Variants in IL1RAPL1 observed in about 807,000 individuals in gnomAD.
IL1RAPL1 encodes interleukin 1 receptor accessory protein like 1.
In IL1RAPL1, 3 loss-of-function variants were observed where a neutral mutation model predicts 48.4. The observed-to-expected ratio is 0.06, with a 90% CI of 0.03 to 0.16. IL1RAPL1 has a LOEUF of 0.16. Ranked by LOEUF, IL1RAPL1 falls within the 10% of genes least tolerant of loss-of-function variation. The probability of loss-of-function intolerance (pLI) is 1.00; values close to 1 mark genes in which losing one functional copy is unlikely to be tolerated. For synonymous variants in IL1RAPL1, 185 were observed against 187.7 expected (o/e 0.99, Z 0.12); for missense variants, 349 against 530.6 (o/e 0.66, Z 3.36).
chrX:29,104,347 T>C (rs1166626422), intron 2 of IL1RAPL1, among the ~76,000 whole-genome samples: 1 of 111,990 alleles, frequency 8.9e-6, no homozygotes, highest in Non-Finnish European at 1.9e-5. Flanking sequence ...GAGGTAATTA[T>C]GTTAAGTGAA....
At chrX:29,471,817 C>T (rs1363504128) in intron 5 of IL1RAPL1, among the ~76,000 whole-genome samples, 3 of 111,045 alleles carry the variant, frequency 2.7e-5, no homozygotes, top group South Asian at 3.8e-4. Context: ...TGACTTTTTG[C>T]GTCTGGTTTC....
At chrX:28,702,029 A>G (rs188689444) in intron 1 of IL1RAPL1, among the ~76,000 whole-genome samples, 45 of 111,560 alleles carry the variant, frequency 4.0e-4, no homozygotes, top group Non-Finnish European at 6.8e-4. Flanking sequence ...CGTATCTGAC[A>G]GTGAAATGAT....
chrX:29,272,764 C>T (rs1036418354), intron 2 of IL1RAPL1, among the ~76,000 whole-genome samples: 1 of 111,642 alleles, frequency 9.0e-6, no homozygotes, highest in African/African-American at 3.3e-5. Context: ...TTCTGTCTTT[C>T]GGGGATGCCA....
chrX:29,159,238 T>C (rs1929634501), intron 2 of IL1RAPL1, among the ~76,000 whole-genome samples: 1 of 111,054 alleles, frequency 9.0e-6, no homozygotes, highest in Admixed American at 9.7e-5. Context: ...AAAAGTCTGT[T>C]TTAGATAATT....
intron 2 of IL1RAPL1, among the ~76,000 whole-genome samples, chrX:28,825,005 AG>A (rs961710921): frequency 1.8e-5 from 2 of 111,555 alleles, no homozygotes; most frequent in African/African-American, 6.5e-5. Context: ...GTGTATGCCA[AG>A]GTGGCTGTCT....
At chrX:28,707,008 A>G (rs775279150) in intron 1 of IL1RAPL1, among the ~76,000 whole-genome samples, 1 of 112,339 alleles carries the variant, frequency 8.9e-6, no homozygotes, top group East Asian at 2.8e-4. Context: ...GTTAGCCTCA[A>G]TGTATACATT....
intron 1 of IL1RAPL1, among the ~76,000 whole-genome samples, chrX:28,656,797 C>A (rs766274454): frequency 9.0e-6 from 1 of 110,839 alleles, no homozygotes; most frequent in Admixed American, 9.6e-5. Flanking sequence ...GAGGCCTAGG[C>A]GGGAGGATCA....
intron 2 of IL1RAPL1, among the ~76,000 whole-genome samples, chrX:28,822,300 G>A (rs1009272348): frequency 3.6e-5 from 4 of 111,513 alleles, no homozygotes; most frequent in African/African-American, 9.8e-5. Flanking sequence ...GGCCCACAGC[G>A]TGTTTTTGTG....
intron 5 of IL1RAPL1, among the ~76,000 whole-genome samples, chrX:29,636,631 T>C (rs1366072154): frequency 8.9e-6 from 1 of 112,179 alleles, no homozygotes; most frequent in Non-Finnish European, 1.9e-5. Flanking sequence ...CAATCTCCTA[T>C]ACTGTCACCC....
chrX:29,447,752 C>T (rs773493561), intron 5 of IL1RAPL1, among the ~76,000 whole-genome samples: 16 of 112,248 alleles, frequency 1.4e-4, no homozygotes, highest in Non-Finnish European at 2.4e-4. Context: ...TAGGAAGTAT[C>T]ACCCTGGTAC....
intron 5 of IL1RAPL1, among the ~76,000 whole-genome samples, chrX:29,567,803 C>T (rs1377102494): frequency 9.0e-6 from 1 of 110,887 alleles, no homozygotes; most frequent in Non-Finnish European, 1.9e-5. Context: ...TTCATTTGTT[C>T]ATAGGTTATC....
At chrX:28,957,813 G>A (rs1924656216) in intron 2 of IL1RAPL1, among the ~76,000 whole-genome samples, 2 of 109,184 alleles carry the variant, frequency 1.8e-5, no homozygotes, top group Non-Finnish European at 3.8e-5. Context: ...ATAAAAATTA[G>A]CTGGGTGTGG....
At chrX:29,774,048 G>T (rs1474107628) in intron 6 of IL1RAPL1, among the ~76,000 whole-genome samples, 1 of 110,547 alleles carries the variant, frequency 9.0e-6, no homozygotes, top group Non-Finnish European at 1.9e-5. Context: ...TTAGATATGA[G>T]AAACTACTAT....
intron 3 of IL1RAPL1, among the ~76,000 whole-genome samples, chrX:29,325,796 A>G (rs1362438754): frequency 8.9e-6 from 1 of 112,141 alleles, no homozygotes; most frequent in Non-Finnish European, 1.9e-5. Flanking sequence ...GGCATCTGCT[A>G]CTAGTGAGGG....
chrX:29,054,480 A>G (rs922347586), intron 2 of IL1RAPL1, among the ~76,000 whole-genome samples: 1 of 111,640 alleles, frequency 9.0e-6, no homozygotes, highest in African/African-American at 3.3e-5. Flanking sequence ...TGAGCTCATT[A>G]AACATTTAAA....
At chrX:29,174,891 A>G (rs1253456726) in intron 2 of IL1RAPL1, among the ~76,000 whole-genome samples, 1 of 110,364 alleles carries the variant, frequency 9.1e-6, no homozygotes, top group Admixed American at 9.6e-5. Context: ...TGGCTAACAC[A>G]GTGAAACCCC....
At chrX:29,176,004 G>A (rs773487271) in intron 2 of IL1RAPL1, among the ~76,000 whole-genome samples, 1 of 109,570 alleles carries the variant, frequency 9.1e-6, no homozygotes, top group African/African-American at 3.3e-5. Flanking sequence ...AATTAGCTAG[G>A]GAGCTGGTTA....
At chrX:29,749,915 CT>C (rs1928420333) in intron 6 of IL1RAPL1, among the ~76,000 whole-genome samples, 1 of 111,856 alleles carries the variant, frequency 8.9e-6, no homozygotes, top group Non-Finnish European at 1.9e-5. Context: ...TCTATCCTGA[CT>C]CTTATTTCCT....
intron 2 of IL1RAPL1, among the ~76,000 whole-genome samples, chrX:29,099,427 A>G (rs1210413008): frequency 8.9e-6 from 1 of 112,248 alleles, no homozygotes; most frequent in East Asian, 2.8e-4. Flanking sequence ...TTTGACAAAC[A>G]GTGTACAAAA....
Sources: gnomAD v4.1 joint callset for allele counts (sites outside exome capture counted in the v4.1 genomes callset) on GRCh38, gnomAD v4.1.1 for gene constraint, MANE v1.5 for transcripts, NCBI Gene and HGNC (gene_info 2026-07-23, HGNC 2026-07-21) for gene names.